PLAGL1: variants seen among roughly 807,000 people sequenced by gnomAD.
PLAGL1 encodes PLAG1 like zinc finger 1.
A neutral mutation model predicts 4.6 loss-of-function variants in PLAGL1; 1 was observed. The observed-to-expected ratio is 0.22, with a 90% CI of 0.08 to 1.03. PLAGL1 has a LOEUF of 1.03. Ranked by LOEUF, PLAGL1 falls within the 50% of genes least tolerant of loss-of-function variation. The pLI is 0.58. For missense variants in PLAGL1, 464 were observed against 570.4 expected (o/e 0.81, Z 1.90); for synonymous variants, 240 against 237.8 (o/e 1.01, Z -0.08).
Position 143,953,151 on chromosome 6 carries a change from ACGAGTTCCTC to A in PLAGL1, c.-324-4701_-324-4692del, listed in dbSNP as rs1419200430. Among the ~76,000 whole-genome samples the A allele has an allele frequency of 6.6e-6, 1 of 152,234 alleles. No homozygotes were observed. The highest frequency in any genetic ancestry group is 1.5e-5 in the Non-Finnish European group (1 of 68,040). Reference sequence around the variant, plus strand: ...TTCTCTGTCACTGCCAGGCAGAGGCACGAGTTCCTCCTCCACACGGTGAGGTGTTTACTCA... The same window carrying A: ...TTCTCTGTCACTGCCAGGCAGAGGCACTCCACACGGTGAGGTGTTTACTCA... On this transcript the variant is annotated intron_variant, in intron 6 of 7. Coordinates refer to ENST00000674357, the MANE Select transcript of PLAGL1 (RefSeq NM_001317162.2). The surrounding 1 kb of genome is among the most constrained non-coding windows in gnomAD (Gnocchi z 5.3).
intron 7 of PLAGL1, among the ~76,000 whole-genome samples, chr6:143,944,993 T>C (rs1779454177): frequency 6.6e-6 from 1 of 152,138 alleles, no homozygotes; most frequent in South Asian, 2.1e-4. Context: ...TACCTGTAAG[T>C]GGGGCACAGT....
chr6:143,983,578 G>A lies in PLAGL1; in HGVS notation c.-544+1557C>T, dbSNP rs1196587531. ...GTTCAGCTGCACTGCTGCAGGCATG[G>A]AATCAGCAAACAAAGGCACTGGGAT... On this transcript the variant is annotated intron_variant, in intron 2 of 7. Transcript: ENST00000674357. This position sits in a 1 kb window ranked among gnomAD's most constrained non-coding sequence, Gnocchi z 6.6. Among the ~76,000 whole-genome samples, 2 of 152,118 alleles carry A rather than the reference G, an allele frequency of 1.3e-5. No homozygotes were observed. Among genetic ancestry groups the A allele is most frequent in the African/African-American group, 4.8e-5 (2 of 41,432 alleles).
Position 143,941,289 on chromosome 6 carries a change from T to C in PLAGL1, c.*135A>G. The C allele has an allele frequency of 1.6e-6, 1 of 622,500 alleles. No individual in the cohort carries two copies. The highest frequency in any genetic ancestry group is 2.9e-5 in the East Asian group (1 of 33,972). The allele number at this position is 622,500 out of a possible 1,614,324, so 38.6% of individuals were successfully genotyped here. A position where few individuals can be genotyped will look rare whatever the true frequency, so the allele number is the denominator to read the frequency against. ...TACATGCAGTTCGAGAATTCTCTTATCATCTCAAGCCAGTCATCACTGAAT... is the reference window on the plus strand; with the variant it reads ...TACATGCAGTTCGAGAATTCTCTTACCATCTCAAGCCAGTCATCACTGAAT... On this transcript the variant is annotated 3_prime_UTR_variant, in exon 8 of 8. Transcript: ENST00000674357. This position sits in a 1 kb window ranked among gnomAD's most constrained non-coding sequence, Gnocchi z 6.0.
chr6:144,049,990 A>C (rs1290386255), intron 1 of PLAGL1, among the ~76,000 whole-genome samples: 16 of 152,124 alleles, frequency 1.1e-4, no homozygotes, highest in Admixed American at 1.0e-3. Flanking sequence ...GGAGGGGAGG[A>C]AAGGTGCAGA....
intron 1 of PLAGL1, among the ~76,000 whole-genome samples, chr6:144,062,406 A>C (rs1799486898): frequency 6.7e-6 from 1 of 149,414 alleles, no homozygotes; most frequent in Non-Finnish European, 1.5e-5. Flanking sequence ...GAGAGACATC[A>C]TGAAACAAAG....
rs1486197293 is a variant in PLAGL1 at position 143,978,860 on chromosome 6, T to G, written c.-544+6275A>C. On this transcript the variant is annotated intron_variant, in intron 2 of 7. Transcript: ENST00000674357. The surrounding 1 kb of genome is among the most constrained non-coding windows in gnomAD (Gnocchi z 4.6). ...ACTGTTCAAGTCTTCTATAGCCTTC[T>G]TGGTTTTCCAACTACTTGATCTATT... Among the ~76,000 whole-genome samples the G allele has an allele frequency of 2.0e-5, 3 of 152,210 alleles. No homozygotes were observed. The highest frequency in any genetic ancestry group is 4.4e-5 in the Non-Finnish European group (3 of 68,010).
In PLAGL1 at chr6:144,005,568, GGACAA is replaced by G. The variant is rs1467009304; in HGVS notation, c.-584+2517_-584+2521del. 1 of 151,658 alleles carries G rather than the reference GGACAA, an allele frequency of 6.6e-6. No homozygotes were observed. The highest frequency in any genetic ancestry group is 1.5e-5 in the Non-Finnish European group (1 of 67,898). The allele number at this position is 151,658 out of a possible 1,614,324, so 9.4% of individuals were successfully genotyped here. A position where few individuals can be genotyped will look rare whatever the true frequency, so the allele number is the denominator to read the frequency against. On this transcript the variant is annotated intron_variant, in intron 1 of 7. Coordinates refer to ENST00000674357, the MANE Select transcript of PLAGL1 (RefSeq NM_001317162.2). This position sits in a 1 kb window ranked among gnomAD's most constrained non-coding sequence, Gnocchi z 4.6. ...TCAGGTAAATTAAAGAACAAAATGT[GGACAA>G]AACATAAACTTAAAAATTCTTAGAA...
At position 143,962,924 on chromosome 6, in the gene PLAGL1, G is replaced by C. The variant is rs1184558101; in HGVS notation, c.-399+1863C>G. Among the ~76,000 whole-genome samples the C allele has an allele frequency of 6.6e-6, 1 of 152,180 alleles. No homozygotes were observed. Among genetic ancestry groups the C allele is most frequent in the African/African-American group, 2.4e-5 (1 of 41,444 alleles). On this transcript the variant is annotated intron_variant, in intron 5 of 7. Coordinates refer to ENST00000674357, the MANE Select transcript of PLAGL1 (RefSeq NM_001317162.2). This position sits in a 1 kb window ranked among gnomAD's most constrained non-coding sequence, Gnocchi z 5.3. ...TGTTTTTGAAAAGCCTCTCGAATAT[G>C]TTTTATTTTATTTTCCAGATGGAAA...
rs2128671255 is a variant in PLAGL1, at chr6:144,005,501, A to T, written c.-584+2589T>A. The T allele has an allele frequency of 6.6e-6, 1 of 152,306 alleles. No individual in the cohort carries two copies. The highest frequency in any genetic ancestry group is 2.1e-4 in the South Asian group (1 of 4,832). 9.4% of individuals were successfully genotyped at this position (152,306 alleles called of 1,614,324 possible). A position where few individuals can be genotyped will look rare whatever the true frequency, so the allele number is the denominator to read the frequency against. On this transcript the variant is annotated intron_variant, in intron 1 of 7. Coordinates refer to ENST00000674357, the MANE Select transcript of PLAGL1 (RefSeq NM_001317162.2). This position sits in a 1 kb window ranked among gnomAD's most constrained non-coding sequence, Gnocchi z 4.6. The stretch of plus-strand genomic sequence containing the variant: ...GGAATCTGAAAATTAATTAAGCTTG[A>T]TCTCATAACATAAAATATATACATC...
Position 143,961,634 on chromosome 6 carries a change from A to G in PLAGL1, c.-398-1092T>C, listed in dbSNP as rs1485886878. On this transcript the variant is annotated intron_variant, in intron 5 of 7. Transcript: ENST00000674357. This position sits in a 1 kb window ranked among gnomAD's most constrained non-coding sequence, Gnocchi z 6.5. ...AACATATTCCTTGTTTTGCTTGTAT[A>G]AACACTTTACAAATCATCTTTATGG... Among the ~76,000 whole-genome samples the G allele has an allele frequency of 6.6e-6, 1 of 152,244 alleles. No homozygotes were observed.
chr6:143,998,674 G>T (rs1374630611), intron 1 of PLAGL1, among the ~76,000 whole-genome samples: 1 of 152,136 alleles, frequency 6.6e-6, no homozygotes, highest in Non-Finnish European at 1.5e-5. Context: ...TTTAACAAGG[G>T]CTATAGATTA....
chr6:144,035,208 C>A (rs1037279440), intron 1 of PLAGL1, among the ~76,000 whole-genome samples: 6 of 152,136 alleles, frequency 3.9e-5, no homozygotes, highest in Non-Finnish European at 7.3e-5. Context: ...AAGGTGAAGT[C>A]ATACAATAGG....
chr6:144,041,663 C>G (rs1203847582), intron 1 of PLAGL1, among the ~76,000 whole-genome samples: 1 of 152,092 alleles, frequency 6.6e-6, no homozygotes, highest in Non-Finnish European at 1.5e-5. Flanking sequence ...CATGTGTCTT[C>G]ATAGTAGCAT....
rs1354765321 is a variant in PLAGL1 at position 143,966,775 on chromosome 6, C to T, written c.-471-577G>A. Reference sequence around the variant, plus strand: ...ATTGATAGAGAAATTATTTTCTTTTCTAATTTTAATATTTAACACTCCTAT... The same window carrying T: ...ATTGATAGAGAAATTATTTTCTTTTTTAATTTTAATATTTAACACTCCTAT... On this transcript the variant is annotated intron_variant, in intron 3 of 7. Coordinates refer to ENST00000674357, the MANE Select transcript of PLAGL1 (RefSeq NM_001317162.2). The surrounding 1 kb of genome is among the most constrained non-coding windows in gnomAD (Gnocchi z 6.0). 2 of 152,130 alleles carry T rather than the reference C, an allele frequency of 1.3e-5. No homozygotes were observed. The highest frequency in any genetic ancestry group is 4.8e-5 in the African/African-American group (2 of 41,434). 9.4% of individuals were successfully genotyped at this position (152,130 alleles called of 1,614,324 possible). A position where few individuals can be genotyped will look rare whatever the true frequency, so the allele number is the denominator to read the frequency against.
At chr6:144,023,336 T>C (rs919522438) in intron 1 of PLAGL1, among the ~76,000 whole-genome samples, 6 of 152,092 alleles carry the variant, frequency 3.9e-5, no homozygotes, top group African/African-American at 1.4e-4. Context: ...ACAATATGCA[T>C]TTGACAAAAC....
chr6:143,956,224 A>G (rs761124634), intron 6 of PLAGL1, among the ~76,000 whole-genome samples: 1 of 152,198 alleles, frequency 6.6e-6, no homozygotes, highest in Non-Finnish European at 1.5e-5. Flanking sequence ...GGTTTGGTCA[A>G]GTGGGCTAGC....
rs1435932803 is a variant in PLAGL1, at chr6:143,955,726, T to A, written c.-325+4743A>T. Among the ~76,000 whole-genome samples, 1 of 152,016 alleles carries A rather than the reference T, an allele frequency of 6.6e-6. No individual in the cohort carries two copies. Among genetic ancestry groups the A allele is most frequent in the Non-Finnish European group, 1.5e-5 (1 of 67,996 alleles). On this transcript the variant is annotated intron_variant, in intron 6 of 7. Transcript: ENST00000674357. The surrounding 1 kb of genome is among the most constrained non-coding windows in gnomAD (Gnocchi z 4.9). ...CTTGCCACCAGATTTCACTTTTTGA[T>A]GGTAACTCTGGCAGGGACGTATAAG...
chr6:143,978,728 G>C lies in PLAGL1; in HGVS notation c.-544+6407C>G, dbSNP rs1787249320. On this transcript the variant is annotated intron_variant, in intron 2 of 7. Coordinates refer to ENST00000674357, the MANE Select transcript of PLAGL1 (RefSeq NM_001317162.2). This position sits in a 1 kb window ranked among gnomAD's most constrained non-coding sequence, Gnocchi z 4.6. ...ATTAATTGACTTATTTTCCCACCCAGAATATGGTCTATCTTGAAAAATGTT... is the reference window on the plus strand; with the variant it reads ...ATTAATTGACTTATTTTCCCACCCACAATATGGTCTATCTTGAAAAATGTT... Among the ~76,000 whole-genome samples the C allele has an allele frequency of 6.6e-6, 1 of 152,132 alleles. No individual in the cohort carries two copies. Among genetic ancestry groups the C allele is most frequent in the Admixed American group, 6.5e-5 (1 of 15,268 alleles).
Position 144,063,189 on chromosome 6 carries a change from C to T in PLAGL1, c.-151+1279G>A, listed in dbSNP as rs528682690. The stretch of plus-strand genomic sequence containing the variant: ...GAATGAATTTATTTGTTGCAACCTG[C>T]ACCGGAACTTTGTAGTATTCCAATT... On this transcript the variant is annotated intron_variant, in intron 1 of 3. Transcript: ENST00000437412. This position sits in a 1 kb window ranked among gnomAD's most constrained non-coding sequence, Gnocchi z 5.7. Among the ~76,000 whole-genome samples the T allele has an allele frequency of 4.6e-5, 7 of 152,318 alleles. No homozygotes were observed. In the East Asian group the frequency reaches 1.3e-3, roughly 29 times the overall value.
Sources: gnomAD v4.1 joint callset for allele counts (sites outside exome capture counted in the v4.1 genomes callset) on GRCh38, gnomAD v4.1.1 for gene constraint, Gnocchi (gnomAD v3.1) non-coding constraint, MANE v1.5 for transcripts, NCBI Gene and HGNC (gene_info 2026-07-23, HGNC 2026-07-21) for gene names.